Variants in RPAP1 observed in about 807,000 individuals in gnomAD.
The protein encoded by RPAP1 is RNA polymerase II-associated protein 1.
RPAP1 carries 109 observed loss-of-function variants against 142.4 expected under a neutral mutation model. The ratio of observed to expected loss-of-function variants is 0.77; its 90% CI spans 0.66 to 0.90. The LOEUF is 0.90. RPAP1 is among the 40% of genes least tolerant of loss of function. RPAP1 has a pLI of 0.00. For missense variants in RPAP1, 1,546 were observed against 1,751.7 expected (o/e 0.88, Z 2.10); for synonymous variants, 704 against 738.9 (o/e 0.95, Z 0.77).
chr15:41,538,486 A>T (rs1431817097), intron 1 of RPAP1, among the ~76,000 whole-genome samples: 2 of 150,948 alleles, frequency 1.3e-5, no homozygotes, highest in African/African-American at 4.9e-5. Context: ...CTTGACAATG[A>T]TAAGTGATCA....
In RPAP1 at chr15:41,536,380, C is replaced by T. The variant is rs1021880969; in HGVS notation, c.330+121G>A. 3 of 1,415,970 alleles carry T rather than the reference C, an allele frequency of 2.1e-6. No individual in the cohort carries two copies. In the East Asian group the frequency reaches 6.8e-5, roughly 32 times the overall value. 87.7% of individuals were successfully genotyped at this position (1,415,970 alleles called of 1,614,324 possible). A position where few individuals can be genotyped will look rare whatever the true frequency, so the allele number is the denominator to read the frequency against. On this transcript the variant is annotated intron_variant, in intron 3 of 24. Transcript: ENST00000304330. ...ATTCTAACCCAGCCCCCAACCTGAC[C>T]TCAGGGGTAAAAGTCTACCTTTCTG...
At chr15:41,536,791 C>T in intron 2 of RPAP1, 142 bp from the exon 3 acceptor site, 1 of 1,385,356 alleles carries the variant, frequency 7.2e-7, no homozygotes, top group Non-Finnish European at 9.8e-7. Context: ...CTTTGAGCCT[C>T]ATTTTCTTCC....
At position 41,522,811 on chromosome 15, in the gene RPAP1, G is replaced by C; in HGVS notation, c.2696C>G (p.Ser899Cys). The C allele has an allele frequency of 1.3e-6, 2 of 1,584,142 alleles. No homozygotes were observed. The change falls in exon 19 of 25, where the codon TCT becomes TGT. Residue 899 changes from serine (S) to cysteine (C), a missense_variant. Coordinates refer to ENST00000304330, the MANE Select transcript of RPAP1 (RefSeq NM_015540.4). Reference protein sequence around the residue: ...SPFPFLTALLSLLNTLAQIHK... With the variant: ...SPFPFLTALLCLLNTLAQIHK... ...GATCTGGGCCAGGGTATTAAGAAGA[G>C]AGAGGAGGGCAGTGAGGAATGGGAA...
chr15:41,530,946 T>C (rs1353859646), intron 7 of RPAP1, 77 bp downstream of exon 7: 3 of 1,395,428 alleles, frequency 2.1e-6, no homozygotes, highest in East Asian at 2.3e-5. Context: ...CTCTCTTCTC[T>C]CATTTGCCAG....
chr15:41,527,039 A>C lies in RPAP1; in HGVS notation c.1776T>G (p.Thr592=). The change falls in exon 14 of 25, where the codon ACT becomes ACG. Residue 592 remains threonine (T), a synonymous_variant. Transcript: ENST00000304330. ...RVLECPRLIE[T]IVREFLPTSW... ...TGGTGGGCAAGAACTCTCGAACTAT[A>C]GTCTCTATCAGCCGAGGGCACTCCA... is the stretch of plus-strand genomic sequence containing the variant. 1 of 1,614,220 alleles carries C rather than the reference A, an allele frequency of 6.2e-7. No individual in the cohort carries two copies. The highest frequency in any genetic ancestry group is 8.5e-7 in the Non-Finnish European group (1 of 1,180,036).
In RPAP1 at chr15:41,536,091, CT is replaced by C. The variant is rs1257834428; in HGVS notation, c.420+37del. The C allele has an allele frequency of 2.0e-6, 3 of 1,489,204 alleles. No homozygotes were observed. The African/African-American group carries it at 4.1e-5, about 21-fold the overall frequency. 92.2% of individuals were successfully genotyped at this position (1,489,204 alleles called of 1,614,324 possible). On this transcript the variant is annotated intron_variant, in intron 4 of 24. Transcript: ENST00000304330. The stretch of plus-strand genomic sequence containing the variant: ...AAGATGCACTATGAGACTCACCTGT[CT>C]GTCTCCTGAGCACCACCTAAGCTTA...
In RPAP1 at chr15:41,527,164, C is replaced by T; in HGVS notation, c.1746+3G>A. ...GCCCATTCCCTGCTCCCTTTTTTCTCACCCTTGTGGCTGATTCCAGGGAAT... is the reference window on the plus strand; with the variant it reads ...GCCCATTCCCTGCTCCCTTTTTTCTTACCCTTGTGGCTGATTCCAGGGAAT... On this transcript the variant is annotated splice_donor_region_variant and intron_variant, in intron 13 of 24. Coordinates refer to ENST00000304330, the MANE Select transcript of RPAP1 (RefSeq NM_015540.4). The T allele has an allele frequency of 6.2e-7, 1 of 1,613,806 alleles. No homozygotes were observed. Among genetic ancestry groups the T allele is most frequent in the Non-Finnish European group, 8.5e-7 (1 of 1,179,920 alleles).
chr15:41,521,096 C>A lies in RPAP1; in HGVS notation c.3090G>T (p.Ser1030=), dbSNP rs139864518. The change falls in exon 22 of 25, where the codon TCG becomes TCT. Residue 1030 remains serine, a synonymous_variant. Coordinates refer to ENST00000304330, the MANE Select transcript of RPAP1 (RefSeq NM_015540.4). The stretch of plus-strand genomic sequence containing the variant: ...ACCGAGGGACCCTGCTGCTTCCTAA[C>A]GACAGCTGGTCAGAGAAGTCGGCTG... ...PEAADFSDQL[S]LGSSRVPRCG... is the part of the protein sequence containing the mutation. 7 of 1,522,850 alleles carry A rather than the reference C, an allele frequency of 4.6e-6. No homozygotes were observed. The highest frequency in any genetic ancestry group is 6.2e-6 in the Non-Finnish European group (7 of 1,136,522). The allele number at this position is 1,522,850 out of a possible 1,614,324, so 94.3% of individuals were successfully genotyped here.
At chr15:41,541,423 G>GAA (rs34842966) in intron 1 of RPAP1, among the ~76,000 whole-genome samples, 10 of 88,494 alleles carry the variant, frequency 1.1e-4, no homozygotes, top group Admixed American at 2.7e-4. Flanking sequence ...ACTCCATCTT[G>GAA]AAAAAAAAAA....
Position 41,527,082 on chromosome 15 carries a change from G to C in RPAP1, c.1747-14C>G. ...GCACTCCAGGACCTATGGGAGACAG[G>C]AGGTAAAAGGGAGGAAGGGAGGCTG... On this transcript the variant is annotated splice_polypyrimidine_tract_variant and intron_variant, in intron 13 of 24. Coordinates refer to ENST00000304330, the MANE Select transcript of RPAP1 (RefSeq NM_015540.4). 1 of 1,613,122 alleles carries C rather than the reference G, an allele frequency of 6.2e-7. No homozygotes were observed. The highest frequency in any genetic ancestry group is 8.5e-7 in the Non-Finnish European group (1 of 1,179,148).
chr15:41,530,926 A>C, intron 7 of RPAP1, 97 bp downstream of exon 7: 3 of 1,234,976 alleles, frequency 2.4e-6, no homozygotes, highest in Non-Finnish European at 3.4e-6. Context: ...GTCCAAAAGC[A>C]CAGAAGCTTC....
At chr15:41,530,024 A>C in intron 7 of RPAP1, 45 bp from the exon 8 acceptor site, 108 of 1,502,594 alleles carry the variant, frequency 7.2e-5, no homozygotes, top group Non-Finnish European at 9.1e-5. Context: ...GGCTCAGCTC[A>C]CTATCCACAG....
intron 14 of RPAP1, among the ~76,000 whole-genome samples, chr15:41,525,626 C>T (rs1482080317): frequency 2.0e-5 from 3 of 151,292 alleles, no homozygotes; most frequent in East Asian, 1.9e-4. Context: ...TGTGAGCCAC[C>T]GCACCCAGCC....
chr15:41,530,037 G>T, intron 7 of RPAP1, 58 bp from the exon 8 acceptor site: 1 of 1,356,560 alleles, frequency 7.4e-7, no homozygotes, highest in Non-Finnish European at 1.0e-6. Context: ...ATCCACAGGG[G>T]TCCCCACCAT....
At chr15:41,537,453 A>G (rs2051923263) in intron 1 of RPAP1, among the ~76,000 whole-genome samples, 1 of 152,196 alleles carries the variant, frequency 6.6e-6, no homozygotes, top group South Asian at 2.1e-4. Flanking sequence ...GACCTGAGGA[A>G]AATGTCATCA....
rs775916397 is a variant in RPAP1 at position 41,522,956 on chromosome 15, A to G, written c.2551T>C (p.Cys851Arg). The change falls in exon 19 of 25, where the codon TGC (cysteine) becomes CGC (arginine). Residue 851 changes from cysteine to arginine, a missense_variant. By Grantham distance (180) the Cys-to-Arg change is radical. Coordinates refer to ENST00000304330, the MANE Select transcript of RPAP1 (RefSeq NM_015540.4). ...LGSLWDSLRH[C>R]SLLCNPLSCV... Reference sequence around the variant, plus strand: ...GACAGCGGGTTGCAGAGAAGGGAGCAGTGCCTGTAGGTGAAGTGGAGAGTC... The same window carrying G: ...GACAGCGGGTTGCAGAGAAGGGAGCGGTGCCTGTAGGTGAAGTGGAGAGTC... The G allele has an allele frequency of 1.1e-5, 17 of 1,532,136 alleles. No individual in the cohort carries two copies. The highest frequency in any genetic ancestry group is 2.4e-5 in the Admixed American group (1 of 42,474). 94.9% of individuals were successfully genotyped at this position (1,532,136 alleles called of 1,614,324 possible).
rs181884527 is a variant in RPAP1 at position 41,537,154 on chromosome 15, G to A, written c.-29C>T. ...GCTGCTCCAGCTGCCTCCCCAGTAC[G>A]ACTCTCTCCAGCAGTGTCTCCGTGT... On this transcript the variant is annotated 5_prime_UTR_variant, in exon 2 of 25. Transcript: ENST00000304330. The A allele has an allele frequency of 1.4e-3, 2,310 of 1,604,186 alleles. 2 individuals carry two copies. Among genetic ancestry groups the A allele is most frequent in the Non-Finnish European group, 1.8e-3 (2,128 of 1,174,836 alleles).
chr15:41,530,980 C>A, intron 7 of RPAP1, 43 bp downstream of exon 7: 1 of 1,568,380 alleles, frequency 6.4e-7, no homozygotes, highest in Non-Finnish European at 8.7e-7. Context: ...GACAATTTCC[C>A]CTACTTTTAT....
At position 41,522,865 on chromosome 15, in the gene RPAP1, C is replaced by G. The variant is rs61748721; in HGVS notation, c.2642G>C (p.Arg881Pro). The change falls in exon 19 of 25, where the codon CGT becomes CCT. Residue 881 changes from arginine (R) to proline (P), a missense_variant. Coordinates refer to ENST00000304330, the MANE Select transcript of RPAP1 (RefSeq NM_015540.4). ...VSLGCSGGCP[R>P]LSLAGSASPF... ...TGAGGCTGAGCCAGCCAGACTGAGA[C>G]GGGGGCAGCCTCCCGAGCAGCCCAG... 6.3e-7 allele frequency: 1 copy of G among 1,579,592 alleles called. No homozygotes were observed. Among genetic ancestry groups the G allele is most frequent in the Non-Finnish European group, 8.6e-7 (1 of 1,169,290 alleles).
Sources: allele counts gnomAD v4.1 joint callset (sites outside exome capture counted in the v4.1 genomes callset), GRCh38; gene constraint gnomAD v4.1.1; transcripts MANE v1.5; gene names NCBI Gene and HGNC (gene_info 2026-07-23, HGNC 2026-07-21).